The following CTNNA3 variants were observed in gnomAD, a reference collection of about 807,000 sequenced individuals.
CTNNA3 encodes catenin alpha-3.
Under a neutral mutation model 95.7 loss-of-function variants are expected in CTNNA3, and 76 were observed. That is an observed-to-expected ratio of 0.79 (90% CI 0.66 to 0.96). The LOEUF is 0.96. Ranked by LOEUF, CTNNA3 falls within the 40% of genes least tolerant of loss-of-function variation. CTNNA3 has a pLI of 0.00. For missense variants in CTNNA3, 1,191 were observed against 1,089.8 expected (o/e 1.09, Z -1.31); for synonymous variants, 431 against 374.4 (o/e 1.15, Z -1.74).
intron 5 of CTNNA3, among the ~76,000 whole-genome samples, chr10:67,406,899 C>A (rs570908245): frequency 2.8e-4 from 42 of 152,216 alleles, no homozygotes; most frequent in African/African-American, 9.6e-4. Context: ...AGATCAACAA[C>A]AAGCTCTGAA....
intron 7 of CTNNA3, among the ~76,000 whole-genome samples, chr10:66,825,741 G>A (rs1441301315): frequency 6.6e-6 from 1 of 152,042 alleles, no homozygotes; most frequent in Non-Finnish European, 1.5e-5. Context: ...CACTGCCTCT[G>A]TTCGGGTCAA....
At chr10:66,873,862 A>C (rs1844509380) in intron 7 of CTNNA3, among the ~76,000 whole-genome samples, 1 of 152,150 alleles carries the variant, frequency 6.6e-6, no homozygotes. Context: ...CAAAGAACTT[A>C]TGTCTAAGTT....
At chr10:67,739,139 G>T (rs1236746002) in intron 1 of CTNNA3, among the ~76,000 whole-genome samples, 3 of 152,076 alleles carry the variant, frequency 2.0e-5, no homozygotes, top group Non-Finnish European at 4.4e-5. Flanking sequence ...ACACATAATT[G>T]TCAGATTCAC....
chr10:66,807,263 TC>T (rs1841690860), intron 7 of CTNNA3, among the ~76,000 whole-genome samples: 1 of 152,046 alleles, frequency 6.6e-6, no homozygotes, highest in African/African-American at 2.4e-5. Flanking sequence ...ACTGCTTGGA[TC>T]CAGAGATACC....
At chr10:66,352,877 G>T (rs2132396564) in intron 12 of CTNNA3, among the ~76,000 whole-genome samples, 1 of 152,116 alleles carries the variant, frequency 6.6e-6, no homozygotes, top group Admixed American at 6.5e-5. Context: ...CTCATTAGTG[G>T]TTATCTTGGG....
At chr10:67,636,587 T>C (rs927760489) in intron 2 of CTNNA3, among the ~76,000 whole-genome samples, 16 of 152,150 alleles carry the variant, frequency 1.1e-4, no homozygotes, top group Admixed American at 9.8e-4. Flanking sequence ...TCCTATTTAA[T>C]AAATAGTGCT....
chr10:66,982,701 A>G (rs1469199160), intron 7 of CTNNA3, among the ~76,000 whole-genome samples: 1 of 152,232 alleles, frequency 6.6e-6, no homozygotes, highest in Non-Finnish European at 1.5e-5. Flanking sequence ...TCAGATGGCA[A>G]AAGATAAGCT....
At chr10:67,577,342 C>G (rs1842196829) in intron 3 of CTNNA3, among the ~76,000 whole-genome samples, 1 of 151,968 alleles carries the variant, frequency 6.6e-6, no homozygotes, top group South Asian at 2.1e-4. Flanking sequence ...TGAGAAGTGT[C>G]TGTTCATGTC....
intron 10 of CTNNA3, among the ~76,000 whole-genome samples, chr10:66,550,421 T>C (rs962404251): frequency 1.3e-5 from 2 of 152,184 alleles, no homozygotes; most frequent in Non-Finnish European, 2.9e-5. Flanking sequence ...GCAAGGGATA[T>C]GCAAAATAGG....
At chr10:67,536,881 T>G (rs953586644) in intron 4 of CTNNA3, among the ~76,000 whole-genome samples, 1 of 152,148 alleles carries the variant, frequency 6.6e-6, no homozygotes, top group Non-Finnish European at 1.5e-5. Flanking sequence ...TAAATAATTC[T>G]AATCCTGATG....
At chr10:67,271,831 G>A (rs1047599369) in intron 5 of CTNNA3, among the ~76,000 whole-genome samples, 3 of 152,144 alleles carry the variant, frequency 2.0e-5, no homozygotes, top group African/African-American at 7.2e-5. Context: ...TGTGAAGTAA[G>A]AGTCATGCAG....
chr10:66,778,426 G>A (rs1327427925), intron 7 of CTNNA3, among the ~76,000 whole-genome samples: 1 of 152,096 alleles, frequency 6.6e-6, no homozygotes, highest in Non-Finnish European at 1.5e-5. Flanking sequence ...GATGGAAATG[G>A]CAGGATATTA....
intron 3 of CTNNA3, among the ~76,000 whole-genome samples, chr10:67,581,884 T>G (rs1434951161): frequency 6.6e-6 from 1 of 152,198 alleles, no homozygotes; most frequent in Non-Finnish European, 1.5e-5. Context: ...TAGTTTGTAT[T>G]TCTGTGGTAT....
rs1443022661 is a variant in CTNNA3, at chr10:66,750,516, T to A, written c.1281+15748A>T. ...CTTTTGCTCCTTTGTCAAATGTTGG[T>A]TGACTGTCTTTATGTGGGTCTATTT... is the stretch of plus-strand genomic sequence containing the variant. On this transcript the variant is annotated intron_variant, in intron 9 of 17. Coordinates refer to ENST00000433211, the MANE Select transcript of CTNNA3 (RefSeq NM_013266.4). Among the ~76,000 whole-genome samples the A allele has an allele frequency of 2.0e-5, 3 of 152,228 alleles. 1 individual carries two copies. The highest frequency in any genetic ancestry group is 2.0e-4 in the Admixed American group (3 of 15,278).
chr10:66,307,070 T>C (rs1307408588), intron 12 of CTNNA3, among the ~76,000 whole-genome samples: 1 of 152,170 alleles, frequency 6.6e-6, no homozygotes, highest in Non-Finnish European at 1.5e-5. Flanking sequence ...CCCTCTGAAT[T>C]AGATACTGTT....
At chr10:66,420,841 A>AT (rs1324728982) in intron 11 of CTNNA3, among the ~76,000 whole-genome samples, 253 of 147,710 alleles carry the variant, frequency 1.7e-3, no homozygotes, top group African/African-American at 5.9e-3. Flanking sequence ...AAATAAATAA[A>AT]AAACAATATG....
intron 12 of CTNNA3, among the ~76,000 whole-genome samples, chr10:66,345,932 C>T (rs2092505959): frequency 6.6e-6 from 1 of 151,264 alleles, no homozygotes; most frequent in Non-Finnish European, 1.5e-5. Flanking sequence ...CAAAACTTAG[C>T]TGGGAGTGGT....
At chr10:66,396,218 T>C (rs1416324149) in intron 11 of CTNNA3, among the ~76,000 whole-genome samples, 1 of 152,056 alleles carries the variant, frequency 6.6e-6, no homozygotes, top group Admixed American at 6.6e-5. Flanking sequence ...TACTATTAGC[T>C]TTCTAATTTA....
At chr10:66,700,639 T>C (rs1221705533) in intron 9 of CTNNA3, among the ~76,000 whole-genome samples, 1 of 152,212 alleles carries the variant, frequency 6.6e-6, no homozygotes, top group African/African-American at 2.4e-5. Context: ...ACATTAATTT[T>C]AGAATTTTTC....
Sources: gnomAD v4.1 joint callset for allele counts (sites outside exome capture counted in the v4.1 genomes callset) on GRCh38, gnomAD v4.1.1 for gene constraint, MANE v1.5 for transcripts, NCBI Gene and HGNC (gene_info 2026-07-23, HGNC 2026-07-21) for gene names.